Variants in SULF1 observed in about 807,000 individuals in gnomAD.
The protein encoded by SULF1 is extracellular sulfatase Sulf-1.
SULF1 carries 46 observed loss-of-function variants against 110.5 expected under a neutral mutation model. The observed-to-expected ratio is 0.42, with a 90% CI of 0.33 to 0.53. The LOEUF is 0.53. Ranked by LOEUF, SULF1 falls within the 20% of genes least tolerant of loss-of-function variation. SULF1 has a pLI of 0.12. For missense variants in SULF1, 941 were observed against 1,094.2 expected (o/e 0.86, Z 1.98); for synonymous variants, 371 against 387.1 (o/e 0.96, Z 0.49).
chr8:69,582,688 GAAAAAAAA>G (rs3059986), intron 6 of SULF1, among the ~76,000 whole-genome samples: 2,874 of 136,756 alleles, frequency 0.021, 84 homozygotes, highest in African/African-American at 0.071. Flanking sequence ...TGCCTTCTTG[GAAAAAAAA>G]AAAAAAAAAG....
At chr8:69,640,128 G>GGAGA (rs1554597213) in intron 21 of SULF1, among the ~76,000 whole-genome samples, 3 of 147,750 alleles carry the variant, frequency 2.0e-5, no homozygotes, top group East Asian at 2.0e-4. Context: ...AGAAAGGAAG[G>GGAGA]AAGAAGGAAG....
intron 6 of SULF1, among the ~76,000 whole-genome samples, chr8:69,581,779 G>A (rs573209021): frequency 1.3e-4 from 20 of 152,278 alleles, no homozygotes; most frequent in African/African-American, 4.3e-4. Flanking sequence ...AGGAAACATC[G>A]TGTTGAAAGA....
At chr8:69,553,962 T>C (rs1303179532) in intron 3 of SULF1, among the ~76,000 whole-genome samples, 1 of 152,202 alleles carries the variant, frequency 6.6e-6, no homozygotes, top group Non-Finnish European at 1.5e-5. Context: ...ACCTCCTTTT[T>C]GCAGCACACA....
rs144266013 is a variant in SULF1 at position 69,570,456 on chromosome 8, A to G, written c.173-5514A>G. On this transcript the variant is annotated intron_variant, in intron 5 of 22. Transcript: ENST00000402687. The stretch of plus-strand genomic sequence containing the variant: ...TTTGTTTTGAAGTTTAAACATGTCA[A>G]TGAAGTAATTCAGGATCTCCGTGTG... Among the ~76,000 whole-genome samples, 405 of 152,358 alleles carry G rather than the reference A, an allele frequency of 2.7e-3. 3 individuals carry two copies. The highest frequency in any genetic ancestry group is 9.2e-3 in the African/African-American group (383 of 41,580).
In SULF1 at chr8:69,604,836, GA is replaced by G; in HGVS notation, c.1283del (p.Asn428IlefsTer98). On this transcript the variant is annotated frameshift_variant, in exon 13 of 23. Transcript: ENST00000402687. LOFTEE classifies it high-confidence loss of function. ...FLRKKEESSK[N>X]IQQSNHLPKY... is the part of the protein sequence containing the mutation. ...TACGTAAGAAGGAAGAATCCAGCAAGAATATCCAACAGTCAAATCACTTGCC... is the reference window on the plus strand; with the variant it reads ...TACGTAAGAAGGAAGAATCCAGCAAGATATCCAACAGTCAAATCACTTGCC... 1 of 1,614,082 alleles carries G rather than the reference GA, an allele frequency of 6.2e-7. No individual in the cohort carries two copies. The highest frequency in any genetic ancestry group is 8.5e-7 in the Non-Finnish European group (1 of 1,180,014).
At chr8:69,485,427 T>C (rs1436912314) in intron 1 of SULF1, among the ~76,000 whole-genome samples, 2 of 152,186 alleles carry the variant, frequency 1.3e-5, no homozygotes, top group African/African-American at 4.8e-5. Context: ...CAGCCTGGCA[T>C]GGTTCAAAGC....
chr8:69,595,911 T>G (rs559000907), intron 8 of SULF1, among the ~76,000 whole-genome samples: 4 of 152,370 alleles, frequency 2.6e-5, no homozygotes, highest in African/African-American at 9.6e-5. Flanking sequence ...GTAAGAATTA[T>G]TCTCCTGAAA....
chr8:69,481,754 A>G (rs1169692982), intron 1 of SULF1, among the ~76,000 whole-genome samples: 1 of 152,174 alleles, frequency 6.6e-6, no homozygotes, highest in Non-Finnish European at 1.5e-5. Context: ...GCTAAGGATA[A>G]TGGCCTCCAG....
At chr8:69,511,354 A>T (rs1811545752) in intron 3 of SULF1, among the ~76,000 whole-genome samples, 1 of 152,152 alleles carries the variant, frequency 6.6e-6, no homozygotes, top group South Asian at 2.1e-4. Context: ...AATAAATAAC[A>T]ACTAATAATC....
At chr8:69,488,336 T>C (rs750336063), upstream of SULF1, among the ~76,000 whole-genome samples, 1 of 152,200 alleles carries the variant, frequency 6.6e-6, no homozygotes, top group Non-Finnish European at 1.5e-5. Flanking sequence ...AGAGTAGAAG[T>C]GTCATCTTTT....
intron 19 of SULF1, among the ~76,000 whole-genome samples, chr8:69,632,364 T>C (rs543037784): frequency 6.6e-6 from 1 of 152,178 alleles, no homozygotes; most frequent in Non-Finnish European, 1.5e-5. Flanking sequence ...TATGTGCACA[T>C]ACACAAGTAT....
chr8:69,632,859 T>C (rs1173419422), intron 19 of SULF1, among the ~76,000 whole-genome samples: 1 of 151,744 alleles, frequency 6.6e-6, no homozygotes, highest in Admixed American at 6.6e-5. Context: ...ACCTTGTCTC[T>C]ACAAAAAAAT....
chr8:69,607,223 C>T (rs1471218989), intron 13 of SULF1, among the ~76,000 whole-genome samples: 2 of 152,236 alleles, frequency 1.3e-5, no homozygotes, highest in African/African-American at 4.8e-5. Context: ...GTTTGAGAAG[C>T]ACTATTCTAA....
Position 69,658,478 on chromosome 8 carries a change from G to C in SULF1, c.2586-27G>C, listed in dbSNP as rs779362454. On this transcript the variant is annotated intron_variant, in intron 22 of 22. Transcript: ENST00000402687. The stretch of plus-strand genomic sequence containing the variant: ...AGTAGAAAGCCTTTTCTCCACTAAT[G>C]ATTCACCTTCTTCTCTCTTTTCACA... The C allele has an allele frequency of 1.1e-5, 17 of 1,542,808 alleles. No individual in the cohort carries two copies. The South Asian group carries it at 2.1e-4, about 19-fold the overall frequency.
chr8:69,546,665 T>A (rs1295065890), intron 3 of SULF1, among the ~76,000 whole-genome samples: 1 of 152,246 alleles, frequency 6.6e-6, no homozygotes, highest in Non-Finnish European at 1.5e-5. Flanking sequence ...AAATTATTAA[T>A]CCTTGAGTGA....
chr8:69,608,129 G>T (rs758955217), intron 13 of SULF1, among the ~76,000 whole-genome samples: 3 of 152,284 alleles, frequency 2.0e-5, no homozygotes, highest in Non-Finnish European at 2.9e-5. Context: ...AGATCCAAAG[G>T]TTGGGGTTAG....
chr8:69,604,947 C>G lies in SULF1; in HGVS notation c.1377+15C>G. 1 of 1,613,278 alleles carries G rather than the reference C, an allele frequency of 6.2e-7. No individual in the cohort carries two copies. ...AACCGGGGCAGGTGAGTGACGCAGG[C>G]TTTCTTTACCACCACTCATGTGCTT... On this transcript the variant is annotated intron_variant, in intron 13 of 22. Coordinates refer to ENST00000402687, the MANE Select transcript of SULF1 (RefSeq NM_001128205.2).
At chr8:69,635,846 G>C (rs369516503) in intron 19 of SULF1, among the ~76,000 whole-genome samples, 3 of 151,920 alleles carry the variant, frequency 2.0e-5, no homozygotes, top group African/African-American at 7.3e-5. Context: ...CTCGAGCTTG[G>C]GCAACAGAGC....
chr8:69,552,164 T>A (rs1461232697), intron 3 of SULF1, among the ~76,000 whole-genome samples: 1 of 152,216 alleles, frequency 6.6e-6, no homozygotes, highest in Non-Finnish European at 1.5e-5. Flanking sequence ...GACCTCTAGA[T>A]GATTCTGATG....
Sources: gnomAD v4.1 joint callset for allele counts (sites outside exome capture counted in the v4.1 genomes callset) on GRCh38, gnomAD v4.1.1 for gene constraint, MANE v1.5 for transcripts, NCBI Gene and HGNC (gene_info 2026-07-23, HGNC 2026-07-21) for gene names.